IARS2: variants seen among roughly 807,000 people sequenced by gnomAD.
IARS2 encodes isoleucyl-tRNA synthetase 2, mitochondrial.
Under a neutral mutation model 126.3 loss-of-function variants are expected in IARS2, and 56 were observed. The ratio of observed to expected loss-of-function variants is 0.44; its 90% CI spans 0.36 to 0.55. IARS2 has a LOEUF of 0.55. Among genes scored for constraint, IARS2 ranks in the 20% least tolerant of loss-of-function variants. The probability of loss-of-function intolerance (pLI) is 0.00; values close to 1 mark genes in which losing one functional copy is unlikely to be tolerated. For missense variants in IARS2, 1,127 were observed against 1,245.9 expected, an observed-to-expected ratio of 0.90 and a Z score of 1.44; for synonymous variants, 407 against 441.1, an observed-to-expected ratio of 0.92 and a Z score of 0.97.
intron 19 of IARS2, 145 bp from the exon 20 acceptor site, chr1:220,141,658 G>A: frequency 1.3e-6 from 1 of 794,930 alleles, no homozygotes; most frequent in East Asian, 2.5e-5. Context: ...AAAATTGTAG[G>A]AGAGTGTATT....
At chr1:220,108,674 C>T (rs191542583) in intron 10 of IARS2, among the ~76,000 whole-genome samples, 15 of 151,644 alleles carry the variant, frequency 9.9e-5, no homozygotes, top group South Asian at 2.1e-4. Context: ...CATGAGCCAC[C>T]GCACCCGGCC....
intron 12 of IARS2, among the ~76,000 whole-genome samples, chr1:220,124,437 A>G (rs1657110974): frequency 1.3e-5 from 2 of 152,160 alleles, no homozygotes; most frequent in South Asian, 4.1e-4. Context: ...GGATTACTAC[A>G]ATGTTAAGTT....
chr1:220,137,179 G>A (rs914432655), intron 16 of IARS2, among the ~76,000 whole-genome samples: 2 of 151,816 alleles, frequency 1.3e-5, no homozygotes, highest in African/African-American at 4.8e-5. Flanking sequence ...TTTGTGATTC[G>A]TAAGCGTGAT....
At chr1:220,118,310 A>AC in intron 12 of IARS2, 1 of 316,196 alleles carries the variant, frequency 3.2e-6, no homozygotes, top group South Asian at 2.8e-5. Flanking sequence ...TACTTGTTTC[A>AC]CAGAAGAAAG....
intron 12 of IARS2, among the ~76,000 whole-genome samples, chr1:220,115,004 G>A (rs1401484245): frequency 6.6e-6 from 1 of 151,178 alleles, no homozygotes; most frequent in Admixed American, 6.6e-5. Flanking sequence ...TAGTAGAAAA[G>A]CTTGTACACT....
At chr1:220,125,592 C>T (rs1281509810) in intron 13 of IARS2, among the ~76,000 whole-genome samples, 1 of 152,100 alleles carries the variant, frequency 6.6e-6, no homozygotes, top group African/African-American at 2.4e-5. Flanking sequence ...TAGCTTGAGT[C>T]CATGAGTTTG....
chr1:220,124,458 A>T (rs538592441), intron 12 of IARS2, among the ~76,000 whole-genome samples: 3 of 152,240 alleles, frequency 2.0e-5, no homozygotes, highest in African/African-American at 7.2e-5. Context: ...TCACCAGGGG[A>T]GGGATCTTGT....
chr1:220,126,752 T>TGGTG lies in IARS2; in HGVS notation c.1748_1751dup (p.Pro585TrpfsTer3). 1 of 1,611,746 alleles carries TGGTG rather than the reference T, an allele frequency of 6.2e-7. No individual in the cohort carries two copies. Among genetic ancestry groups the TGGTG allele is most frequent in the Non-Finnish European group, 8.5e-7 (1 of 1,178,574 alleles). On this transcript the variant is annotated frameshift_variant, in exon 14 of 23. Transcript: ENST00000366922. LOFTEE classifies it high-confidence loss of function. ...ATGCTTTTGCATTATCTTACTAGGT[T>TGGTG]GGTGGCCCTGATGCCTTGGAATATG... is the stretch of plus-strand genomic sequence containing the variant.
chr1:220,131,987 C>T (rs1488386063), intron 14 of IARS2, among the ~76,000 whole-genome samples: 1 of 150,574 alleles, frequency 6.6e-6, no homozygotes, highest in Non-Finnish European at 1.5e-5. Flanking sequence ...TTAGTAGAGA[C>T]GGGTTTCACC....
chr1:220,141,852 G>A lies in IARS2; in HGVS notation c.2464G>A (p.Ala822Thr). The A allele has an allele frequency of 6.2e-7, 1 of 1,614,132 alleles. No individual in the cohort carries two copies. ...CCCCAAACGACGCTCTTGTCAGACT[G>A]CATTAGTTGAAATTTTGGATGTAAT... ...NDPKRRSCQT[A>T]LVEILDVIVR... Residue 822 changes from alanine to threonine, a missense_variant, in exon 20 of 23, where the codon GCA (alanine) becomes ACA (threonine). Transcript: ENST00000366922.
At chr1:220,105,643 G>A (rs1268922382) in intron 8 of IARS2, among the ~76,000 whole-genome samples, 3 of 152,156 alleles carry the variant, frequency 2.0e-5, no homozygotes, top group Non-Finnish European at 4.4e-5. Context: ...GATGCAGTAA[G>A]TATCAAAACA....
chr1:220,120,517 T>C (rs1002493688), intron 12 of IARS2, among the ~76,000 whole-genome samples: 1 of 151,848 alleles, frequency 6.6e-6, no homozygotes, highest in Non-Finnish European at 1.5e-5. Flanking sequence ...GCTGAGACTA[T>C]AGTCACGCAC....
chr1:220,094,515 G>C, intron 1 of IARS2, 32 bp downstream of exon 1: 1 of 1,534,548 alleles, frequency 6.5e-7, no homozygotes, highest in Non-Finnish European at 8.7e-7. Flanking sequence ...GGGGCCTCCA[G>C]AGAGGCCCGA....
intron 10 of IARS2, among the ~76,000 whole-genome samples, chr1:220,107,415 A>T (rs1240149335): frequency 6.6e-6 from 1 of 152,162 alleles, no homozygotes; most frequent in Non-Finnish European, 1.5e-5. Context: ...ACTTTTGTGG[A>T]AGGATACAAT....
intron 12 of IARS2, among the ~76,000 whole-genome samples, chr1:220,118,814 T>C (rs1656980141): frequency 6.6e-6 from 1 of 152,104 alleles, no homozygotes; most frequent in Non-Finnish European, 1.5e-5. Flanking sequence ...ATAAACCTTT[T>C]GTTCAAAAAA....
chr1:220,124,745 C>T (rs1033770207), intron 12 of IARS2, among the ~76,000 whole-genome samples: 1 of 152,098 alleles, frequency 6.6e-6, no homozygotes, highest in Non-Finnish European at 1.5e-5. Context: ...GCAGAGAATT[C>T]GTGTGATAAA....
chr1:220,123,482 T>G (rs186123034), intron 12 of IARS2, among the ~76,000 whole-genome samples: 1 of 152,302 alleles, frequency 6.6e-6, no homozygotes, highest in Non-Finnish European at 1.5e-5. Flanking sequence ...ATTTATTTAT[T>G]ATTTTTTTTG....
chr1:220,129,177 C>T (rs778645802), intron 14 of IARS2, among the ~76,000 whole-genome samples: 4 of 152,042 alleles, frequency 2.6e-5, no homozygotes, highest in African/African-American at 7.2e-5. Context: ...CCACCGCACC[C>T]GTCCAGAGTG....
chr1:220,098,303 C>CA (rs1656491380), intron 2 of IARS2, among the ~76,000 whole-genome samples: 1 of 152,212 alleles, frequency 6.6e-6, no homozygotes, highest in African/African-American at 2.4e-5. Context: ...CTCTTCCTCA[C>CA]ACATGCTAAT....
Sources: gnomAD v4.1 joint callset for allele counts (sites outside exome capture counted in the v4.1 genomes callset) on GRCh38, gnomAD v4.1.1 for gene constraint, MANE v1.5 for transcripts, NCBI Gene and HGNC (gene_info 2026-07-23, HGNC 2026-07-21) for gene names.